DOCK7: variants seen among roughly 807,000 people sequenced by gnomAD.
DOCK7 encodes the protein dedicator of cytokinesis protein 7.
In DOCK7, 138 loss-of-function variants were observed where a neutral mutation model predicts 271.0. The ratio of observed to expected loss-of-function variants is 0.51; its 90% CI spans 0.44 to 0.59. The LOEUF is 0.59. Ranked by LOEUF, DOCK7 falls within the 20% of genes least tolerant of loss-of-function variation. The pLI is 0.00. For missense variants in DOCK7, 2,066 were observed against 2,592.4 expected, an observed-to-expected ratio of 0.80 and a Z score of 4.41; for synonymous variants, 823 against 876.1, an observed-to-expected ratio of 0.94 and a Z score of 1.07.
At chr1:62,655,716 G>A (rs1017559983) in intron 2 of DOCK7, among the ~76,000 whole-genome samples, 5 of 152,030 alleles carry the variant, frequency 3.3e-5, no homozygotes, top group Non-Finnish European at 5.9e-5. Context: ...TGTGAGCCAC[G>A]GCGCCCAGCC....
intron 13 of DOCK7, 49 bp from the exon 14 acceptor site, chr1:62,618,917 C>T (rs756139862): frequency 2.2e-5 from 33 of 1,531,352 alleles, no homozygotes; most frequent in East Asian, 9.1e-5. Context: ...AAAAAGTCCA[C>T]GTTAAACATG....
At chr1:62,670,801 C>A (rs1380287316) in intron 1 of DOCK7, among the ~76,000 whole-genome samples, 23 of 152,090 alleles carry the variant, frequency 1.5e-4, no homozygotes, top group Non-Finnish European at 3.1e-4. Context: ...TGGGTGGGGC[C>A]AGATAAGAGA....
chr1:62,638,294 T>C (rs1002874206), intron 7 of DOCK7: 5 of 152,118 alleles, frequency 3.3e-5, no homozygotes, highest in African/African-American at 1.2e-4. Context: ...TGAACGAAAG[T>C]TGTCCATTTT....
chr1:62,554,766 T>C (rs151131382), intron 21 of DOCK7, among the ~76,000 whole-genome samples: 2 of 152,344 alleles, frequency 1.3e-5, no homozygotes, highest in East Asian at 1.9e-4. Context: ...AGGAGCACTG[T>C]AGATATTACA....
chr1:62,626,473 T>A (rs1653969904), intron 11 of DOCK7, among the ~76,000 whole-genome samples: 1 of 150,022 alleles, frequency 6.7e-6, no homozygotes. Flanking sequence ...ACCCGACAAA[T>A]CTTTAGCTAA....
At chr1:62,638,686 T>C (rs1290433721) in intron 7 of DOCK7, among the ~76,000 whole-genome samples, 3 of 148,722 alleles carry the variant, frequency 2.0e-5, no homozygotes, top group South Asian at 2.2e-4. Flanking sequence ...TATATAGATA[T>C]GAAAATAGGA....
At chr1:62,474,228 C>CTATATTAAATAG in intron 47 of DOCK7, 140 bp from the exon 48 acceptor site, 2 of 600,040 alleles carry the variant, frequency 3.3e-6, no homozygotes, top group Non-Finnish European at 5.9e-6. Context: ...TATATTAAAA[C>CTATATTAAATAG]TCCACAGACT....
intron 6 of DOCK7, 146 bp from the exon 7 acceptor site, chr1:62,647,922 G>T: frequency 1.2e-6 from 1 of 825,738 alleles, no homozygotes; most frequent in Non-Finnish European, 1.9e-6. Flanking sequence ...ACAGACAGAA[G>T]TCATTTGATT....
intron 25 of DOCK7, among the ~76,000 whole-genome samples, chr1:62,542,007 A>T (rs1645550151): frequency 6.6e-6 from 1 of 152,068 alleles, no homozygotes; most frequent in South Asian, 2.1e-4. Context: ...AAGTAGATGG[A>T]ACTACAGGTT....
chr1:62,467,668 C>T (rs1248287481), intron 48 of DOCK7, among the ~76,000 whole-genome samples: 3 of 152,110 alleles, frequency 2.0e-5, no homozygotes, highest in Non-Finnish European at 4.4e-5. Flanking sequence ...CTGAATTCTA[C>T]CAGACATTCA....
intron 33 of DOCK7, among the ~76,000 whole-genome samples, chr1:62,512,036 C>T (rs1489488613): frequency 6.6e-6 from 1 of 151,988 alleles, no homozygotes; most frequent in Admixed American, 6.5e-5. Flanking sequence ...CAAACAAACC[C>T]AAAAGTACAC....
chr1:62,525,370 T>C (rs1056860356), intron 31 of DOCK7, among the ~76,000 whole-genome samples: 2 of 152,090 alleles, frequency 1.3e-5, no homozygotes, highest in Non-Finnish European at 2.9e-5. Context: ...ACTGAGAGTT[T>C]GGTGGGTTGC....
intron 14 of DOCK7, chr1:62,597,913 T>C (rs1251863505): frequency 1.3e-6 from 2 of 1,561,112 alleles, no homozygotes; most frequent in Non-Finnish European, 1.7e-6. Context: ...GTAAAGAATA[T>C]GTCACTTGAA....
rs1429522427 is a variant in DOCK7, at chr1:62,492,789, T to C, written c.5276A>G (p.Asp1759Gly). 1 of 1,613,924 alleles carries C rather than the reference T, an allele frequency of 6.2e-7. No individual in the cohort carries two copies. Among genetic ancestry groups the C allele is most frequent in the Admixed American group, 1.7e-5 (1 of 60,004 alleles). Residue 1759 changes from aspartate (D) to glycine (G), a missense_variant, in exon 41 of 50, where the codon GAT becomes GGT. Physicochemically the swap from Asp to Gly is moderately conservative, Grantham distance 94 (BLOSUM62 -1). Around this residue, in one of 2 missense-constraint regions of DOCK7, gnomAD observed 652 missense variants for 922.1 expected, o/e 0.71. Transcript: ENST00000635253. ...SAVSDDVVSP[D>G]EEGICSGKYF... Reference sequence around the variant, plus strand: ...TTTTCCAGAGCAGATACCTTCTTCATCTGGAGATACCACATCATCTGAGAC... The same window carrying C: ...TTTTCCAGAGCAGATACCTTCTTCACCTGGAGATACCACATCATCTGAGAC...
intron 31 of DOCK7, among the ~76,000 whole-genome samples, chr1:62,518,070 T>C (rs1180454345): frequency 6.6e-6 from 1 of 152,140 alleles, no homozygotes; most frequent in Non-Finnish European, 1.5e-5. Context: ...AATCAAGTCA[T>C]AGAAGTACAC....
chr1:62,500,064 C>T (rs1481479220), intron 37 of DOCK7, among the ~76,000 whole-genome samples: 1 of 152,088 alleles, frequency 6.6e-6, no homozygotes, highest in Non-Finnish European at 1.5e-5. Context: ...TCTGAAGGAA[C>T]TCCCTATAAA....
chr1:62,650,089 T>C (rs1027785126), intron 4 of DOCK7, among the ~76,000 whole-genome samples: 3 of 152,166 alleles, frequency 2.0e-5, no homozygotes, highest in South Asian at 2.1e-4. Flanking sequence ...AATAACTAAA[T>C]AGAAACCAAA....
chr1:62,598,105 G>A, intron 14 of DOCK7: 1 of 1,488,072 alleles, frequency 6.7e-7, no homozygotes. Flanking sequence ...TTTTCAATGT[G>A]GATCTTTTAA....
At chr1:62,630,502 A>T (rs2149619903) in intron 11 of DOCK7, among the ~76,000 whole-genome samples, 1 of 152,198 alleles carries the variant, frequency 6.6e-6, no homozygotes, top group South Asian at 2.1e-4. Context: ...ATTCCATCAC[A>T]GGTGCACTCA....
Sources: allele counts gnomAD v4.1 joint callset (sites outside exome capture counted in the v4.1 genomes callset), GRCh38; gene constraint gnomAD v4.1.1; regional missense constraint gnomAD v4.1.1; transcripts MANE v1.5; gene names NCBI Gene and HGNC (gene_info 2026-07-23, HGNC 2026-07-21).